The following VNN2 variants were observed in gnomAD, a reference collection of about 807,000 sequenced individuals.
The protein encoded by VNN2 is pantetheine hydrolase VNN2.
In VNN2, 43 loss-of-function variants were observed where a neutral mutation model predicts 43.0. The observed-to-expected ratio is 1.00, with a 90% CI of 0.78 to 1.29. VNN2 has a LOEUF of 1.29. Ranked by LOEUF, VNN2 falls within the 50% of genes most tolerant of loss-of-function variation. VNN2 has a pLI of 0.00. For missense variants in VNN2, 652 were observed against 619.7 expected, an observed-to-expected ratio of 1.05 and a Z score of -0.55; for synonymous variants, 230 against 224.3, an observed-to-expected ratio of 1.03 and a Z score of -0.23.
At chr6:132,750,608 G>A (rs1456474046) in intron 5 of VNN2, among the ~76,000 whole-genome samples, 1 of 146,130 alleles carries the variant, frequency 6.8e-6, no homozygotes, top group Non-Finnish European at 1.5e-5. Context: ...AGGTTGTAGT[G>A]AGCCGAGATC....
intron 1 of VNN2, 38 bp from the exon 2 acceptor site, chr6:132,757,584 G>A (rs747916618): frequency 1.2e-6 from 2 of 1,609,982 alleles, no homozygotes; most frequent in Non-Finnish European, 1.7e-6. Context: ...ATTTTTCCAT[G>A]TACAACACAG....
intron 5 of VNN2, among the ~76,000 whole-genome samples, chr6:132,750,513 A>ATATATATATATATATTTTTTTTTT (rs201643856): frequency 1.3e-5 from 1 of 78,514 alleles, no homozygotes; most frequent in African/African-American, 4.9e-5. Context: ...ATATATATAT[A>ATATATATATATATATTTTTTTTTT]TTTTTCCAGG....
chr6:132,750,024 G>C (rs1355020301), intron 5 of VNN2, among the ~76,000 whole-genome samples, 159 bp from the exon 6 acceptor site: 2 of 152,182 alleles, frequency 1.3e-5, no homozygotes, highest in Non-Finnish European at 2.9e-5. Flanking sequence ...TATTAAAAAT[G>C]GCCAGTGACT....
rs1272742601 is a variant in VNN2 at position 132,746,801 on chromosome 6, T to C, written c.1372-2310A>G. 2.0e-5 allele frequency among the ~76,000 whole-genome samples: 3 copies of C among 152,194 alleles called. No individual in the cohort carries two copies. The East Asian group carries it at 5.8e-4, about 29-fold the overall frequency. On this transcript the variant is annotated intron_variant, in intron 6 of 6. Coordinates refer to ENST00000326499, the MANE Select transcript of VNN2 (RefSeq NM_004665.6). ...CATTGTTCCCAGCTAAGGGAACCTA[T>C]TTTTTAAAATAACAAGTTGGTGTTC...
intron 3 of VNN2, among the ~76,000 whole-genome samples, chr6:132,754,160 T>C (rs750873184): frequency 6.6e-5 from 10 of 152,122 alleles, no homozygotes; most frequent in Admixed American, 4.6e-4. Context: ...ATTTACAGAA[T>C]GGCAGAATAG....
intron 4 of VNN2, 61 bp from the exon 5 acceptor site, chr6:132,751,579 A>T (rs1305480435): frequency 6.5e-7 from 1 of 1,539,196 alleles, no homozygotes; most frequent in Non-Finnish European, 8.7e-7. Flanking sequence ...CAAAACTGCC[A>T]ATTTCCCCAT....
intron 6 of VNN2, among the ~76,000 whole-genome samples, chr6:132,747,755 A>G (rs1472992190): frequency 6.6e-6 from 1 of 152,238 alleles, no homozygotes; most frequent in African/African-American, 2.4e-5. Flanking sequence ...GACATTTGGG[A>G]TGAAATTTTT....
intron 4 of VNN2, 90 bp downstream of exon 4, chr6:132,752,371 T>G (rs1211326686): frequency 2.8e-6 from 4 of 1,452,638 alleles, no homozygotes; most frequent in Non-Finnish European, 2.7e-6. Flanking sequence ...GAATTTCCAA[T>G]AAGCAAAAAA....
chr6:132,749,656 A>G (rs772537158), intron 6 of VNN2, 39 bp downstream of exon 6: 2 of 1,563,674 alleles, frequency 1.3e-6, no homozygotes, highest in South Asian at 1.2e-5. Context: ...ACTTCAGAGA[A>G]CATATAAAAT....
intron 4 of VNN2, among the ~76,000 whole-genome samples, chr6:132,752,258 A>C (rs1468162407): frequency 6.6e-6 from 1 of 152,176 alleles, no homozygotes; most frequent in Non-Finnish European, 1.5e-5. Context: ...TAATTATTGT[A>C]ATAATTAAAT....
intron 6 of VNN2, among the ~76,000 whole-genome samples, chr6:132,749,245 T>C (rs750612871): frequency 6.6e-6 from 1 of 152,246 alleles, no homozygotes; most frequent in South Asian, 2.1e-4. Context: ...TGTAACTTCC[T>C]GTGTTGATGC....
upstream of VNN2, chr6:132,758,039 C>CTTCTTCTTCTTCTTCTTTT (rs1488070973): frequency 1.9e-5 from 3 of 160,500 alleles, no homozygotes; most frequent in African/African-American, 1.2e-4. Flanking sequence ...TCTTCTTCTT[C>CTTCTTCTTCTTCTTCTTTT]TTTTTTTTTT....
At chr6:132,752,873 G>A in intron 3 of VNN2, 124 bp from the exon 4 acceptor site, 1 of 1,049,122 alleles carries the variant, frequency 9.5e-7, no homozygotes, top group Non-Finnish European at 1.4e-6. Flanking sequence ...CTAGGAAGCG[G>A]ATAAATCTGG....
Position 132,752,565 on chromosome 6 carries a change from A to G in VNN2, c.722T>C (p.Val241Ala). ...TTCAATAGCTGTCAAAAGGGGCAAA[A>G]CGTTCATCCAAGCTGTGGGAAACAG... Reference protein sequence around the residue: ...TILFPTAWMNVLPLLTAIEFH... With the variant: ...TILFPTAWMNALPLLTAIEFH... Residue 241 changes from valine to alanine, a missense_variant, in exon 4 of 7, where the codon GTT (valine) becomes GCT (alanine). Transcript: ENST00000326499. 6.2e-7 allele frequency: 1 copy of G among 1,614,218 alleles called. No homozygotes were observed. Among genetic ancestry groups the G allele is most frequent in the Non-Finnish European group, 8.5e-7 (1 of 1,180,028 alleles).
intron 1 of VNN2, chr6:132,763,272 T>C (rs1019010347): frequency 6.6e-6 from 1 of 152,248 alleles, no homozygotes; most frequent in East Asian, 1.9e-4. Context: ...TTATGTCTTA[T>C]TGATCAATAT....
intron 6 of VNN2, among the ~76,000 whole-genome samples, chr6:132,745,153 T>A (rs141900535): frequency 1.7e-3 from 258 of 152,238 alleles, no homozygotes; most frequent in Non-Finnish European, 3.2e-3. Context: ...GTGCACAGGC[T>A]CATGAGAACA....
chr6:132,755,664 C>T (rs1313830493), intron 3 of VNN2, among the ~76,000 whole-genome samples, 179 bp downstream of exon 3: 2 of 152,112 alleles, frequency 1.3e-5, no homozygotes, highest in African/African-American at 4.8e-5. Context: ...CATAAGCCTC[C>T]ACGCCCAGCC....
intron 5 of VNN2, 124 bp downstream of exon 5, chr6:132,751,021 G>C: frequency 1.8e-6 from 2 of 1,129,426 alleles, no homozygotes; most frequent in Non-Finnish European, 2.5e-6. Context: ...TTGTGTGTGT[G>C]TGTGTTGCCA....
chr6:132,749,438 C>T (rs997390319), intron 6 of VNN2, among the ~76,000 whole-genome samples: 4 of 152,192 alleles, frequency 2.6e-5, no homozygotes, highest in East Asian at 1.9e-4. Context: ...CAATCACAAA[C>T]TGGTCAGTCC....
Sources: allele counts gnomAD v4.1 joint callset (sites outside exome capture counted in the v4.1 genomes callset), GRCh38; gene constraint gnomAD v4.1.1; transcripts MANE v1.5; gene names NCBI Gene and HGNC (gene_info 2026-07-23, HGNC 2026-07-21).